Variants in SPDL1 observed in about 807,000 individuals in gnomAD.
The protein encoded by SPDL1 is protein Spindly.
In SPDL1, 85 loss-of-function variants were observed where a neutral mutation model predicts 79.5. The observed-to-expected ratio is 1.07, with a 90% CI of 0.90 to 1.28. The LOEUF is 1.28. SPDL1 is among the 50% of genes most tolerant of loss of function. SPDL1 has a pLI of 0.00. For synonymous variants in SPDL1, 269 were observed against 240.3 expected (o/e 1.12, Z -1.10); for missense variants, 703 against 697.8 (o/e 1.01, Z -0.08).
chr5:169,584,946 C>A lies in SPDL1; in HGVS notation c.-24+1057C>A, dbSNP rs1273400062. ...AATGGCGTGAACCCGGGAAGCGGAG[C>A]TTGCAGTGAGCCGAGATTGCGCCAC... is the stretch of plus-strand genomic sequence containing the variant. On this transcript the variant is annotated intron_variant, in intron 1 of 11. Transcript: ENST00000265295. 2.0e-5 allele frequency among the ~76,000 whole-genome samples: 3 copies of A among 151,162 alleles called. No homozygotes were observed. In the East Asian group the frequency reaches 5.8e-4, roughly 29 times the overall value.
intron 4 of SPDL1, 77 bp downstream of exon 4, chr5:169,593,625 T>A: frequency 7.2e-7 from 1 of 1,386,118 alleles, no homozygotes; most frequent in East Asian, 2.4e-5. Flanking sequence ...TGGTAATAAT[T>A]CTTAAGAGCT....
At chr5:169,592,681 T>C (rs1456867640) in intron 3 of SPDL1, among the ~76,000 whole-genome samples, 1 of 152,152 alleles carries the variant, frequency 6.6e-6, no homozygotes, top group Admixed American at 6.5e-5. Flanking sequence ...TAATGACTGA[T>C]AATGATGTGC....
Position 169,593,409 on chromosome 5 carries a change from A to C in SPDL1, c.392A>C (p.Lys131Thr). 6.2e-7 allele frequency: 1 copy of C among 1,613,796 alleles called. No individual in the cohort carries two copies. Among genetic ancestry groups the C allele is most frequent in the South Asian group, 1.1e-5 (1 of 90,960 alleles). Residue 131 changes from lysine (K) to threonine (T), a missense_variant, in exon 4 of 12, where the codon AAG becomes ACG. Lys to Thr is a moderately conservative substitution (Grantham distance 78). Coordinates refer to ENST00000265295, the MANE Select transcript of SPDL1 (RefSeq NM_017785.5). ...DEARLSEKQL[K>T]HQVDHQKELL... Reference sequence around the variant, plus strand: ...GCCAGGCTTAGTGAAAAGCAGCTGAAGCACCAAGTAGATCATCAGAAGGAA... The same window carrying C: ...GCCAGGCTTAGTGAAAAGCAGCTGACGCACCAAGTAGATCATCAGAAGGAA...
At chr5:169,588,920 A>G (rs1755128127) in intron 2 of SPDL1, 1 of 158,746 alleles carries the variant, frequency 6.3e-6, no homozygotes, top group South Asian at 2.0e-4. Flanking sequence ...TTCCCCCATG[A>G]AATCTAGGTT....
At chr5:169,587,220 T>C (rs1755033027) in intron 1 of SPDL1, 1 of 152,224 alleles carries the variant, frequency 6.6e-6, no homozygotes, top group Non-Finnish European at 1.5e-5. Flanking sequence ...AGGAGCTTTT[T>C]TTTCGTCCAT....
At chr5:169,587,423 TAGTA>T (rs1209926644) in intron 1 of SPDL1, 1 of 152,204 alleles carries the variant, frequency 6.6e-6, no homozygotes, top group African/African-American at 2.4e-5. Flanking sequence ...AAAGGATAAT[TAGTA>T]AGGTTGATTA....
Position 169,583,837 on chromosome 5 carries a change from C to T in SPDL1, c.-76C>T, listed in dbSNP as rs577764088. 6.6e-6 allele frequency: 1 copy of T among 152,464 alleles called. No individual in the cohort carries two copies. The highest frequency in any genetic ancestry group is 1.9e-4 in the East Asian group (1 of 5,194). 9.4% of individuals were successfully genotyped at this position (152,464 alleles called of 1,614,324 possible). The stretch of plus-strand genomic sequence containing the variant: ...AGTTAGCGTCCTCAATGTGGACGCC[C>T]TGAGCTCCCATTAGGAGCCGCTGGC... On this transcript the variant is annotated 5_prime_UTR_variant, in exon 1 of 12. Transcript: ENST00000265295.
Position 169,594,417 on chromosome 5 carries a change from T to C in SPDL1, c.705T>C (p.Asp235=). Residue 235 remains aspartate, a synonymous_variant, in exon 6 of 12, where the codon GAT becomes GAC. Coordinates refer to ENST00000265295, the MANE Select transcript of SPDL1 (RefSeq NM_017785.5). ...ALEKARVANQ[D]LQVQLDQALQ... is the part of the protein sequence containing the mutation. ...AGAAAGCTCGTGTAGCAAATCAAGA[T>C]CTTCAGGTACAGTTGGACCAGGCAC... The C allele has an allele frequency of 6.2e-7, 1 of 1,614,118 alleles. No individual in the cohort carries two copies.
In SPDL1 at chr5:169,588,444, C is replaced by G; in HGVS notation, c.28C>G (p.Arg10Gly). 3 of 1,611,418 alleles carry G rather than the reference C, an allele frequency of 1.9e-6. No homozygotes were observed. Among genetic ancestry groups the G allele is most frequent in the Non-Finnish European group, 2.5e-6 (3 of 1,179,090 alleles). Reference protein sequence around the residue: MEADIITNLRCRLKEAEEER... With the variant: MEADIITNLGCRLKEAEEER... ...GGAGGCAGATATAATCACAAATCTT[C>G]GATGCAGGCTCAAAGAGGCTGAAGA... Residue 10 changes from arginine to glycine, a missense_variant, in exon 2 of 12, where the codon CGA becomes GGA. Coordinates refer to ENST00000265295, the MANE Select transcript of SPDL1 (RefSeq NM_017785.5).
rs1238721473 is a variant in SPDL1 at position 169,596,787 on chromosome 5, A to C, written c.1032+86A>C. On this transcript the variant is annotated intron_variant, in intron 8 of 11. Transcript: ENST00000265295. Reference sequence around the variant, plus strand: ...GTTTGTTTTTTAAGTTTAAATTATTAATAAATATCTTGTGGGAGATACTTT... The same window carrying C: ...GTTTGTTTTTTAAGTTTAAATTATTCATAAATATCTTGTGGGAGATACTTT... 4 of 1,132,378 alleles carry C rather than the reference A, an allele frequency of 3.5e-6. No homozygotes were observed. In the East Asian group the frequency reaches 1.1e-4, roughly 32 times the overall value. 70.1% of individuals were successfully genotyped at this position (1,132,378 alleles called of 1,614,324 possible). A position where few individuals can be genotyped will look rare whatever the true frequency, so the allele number is the denominator to read the frequency against.
chr5:169,598,577 A>T lies in SPDL1; in HGVS notation c.1134A>T (p.Leu378Phe), dbSNP rs1755719627. 1 of 1,602,422 alleles carries T rather than the reference A, an allele frequency of 6.2e-7. No homozygotes were observed. Among genetic ancestry groups the T allele is most frequent in the Non-Finnish European group, 8.5e-7 (1 of 1,169,614 alleles). ...TACTTCAGATGAAGCTGGATAACTT[A>T]AAGTAAGTGTCTGGGTTGGTGGATG... ...TDLLQMKLDN[L>F]NKEIESTKGE... is the part of the protein sequence containing the mutation. The change falls in exon 9 of 12, where the codon TTA becomes TTT. Residue 378 changes from leucine to phenylalanine, a missense_variant and splice_region_variant. Physicochemically the swap from Leu to Phe is conservative, Grantham distance 22. Transcript: ENST00000265295.
chr5:169,602,218 G>T (rs1212451099), intron 11 of SPDL1, among the ~76,000 whole-genome samples: 1 of 152,236 alleles, frequency 6.6e-6, no homozygotes, highest in East Asian at 1.9e-4. Context: ...GTGTCTGAAG[G>T]AATTAATGTC....
At chr5:169,599,397 G>A (rs984147708) in intron 10 of SPDL1, among the ~76,000 whole-genome samples, 11 of 152,148 alleles carry the variant, frequency 7.2e-5, no homozygotes, top group African/African-American at 2.7e-4. Flanking sequence ...TCATCATACT[G>A]TATAGTAGAA....
intron 10 of SPDL1, 137 bp from the exon 11 acceptor site, chr5:169,601,143 G>T: frequency 1.5e-6 from 1 of 664,274 alleles, no homozygotes; most frequent in Non-Finnish European, 2.5e-6. Context: ...AGAAACAAAG[G>T]ATGCATTTCA....
Position 169,594,277 on chromosome 5 carries a change from T to C in SPDL1, c.664T>C (p.Tyr222His). ...KEEREKEAVS[Y>H]YNALEKARVA... The stretch of plus-strand genomic sequence containing the variant: ...GGAGCGAGAGAAAGAAGCAGTTTCT[T>C]ACTATAATGCCCTAGAGGTACTATG... The change falls in exon 5 of 12, where the codon TAC becomes CAC. Residue 222 changes from tyrosine to histidine, a missense_variant. Coordinates refer to ENST00000265295, the MANE Select transcript of SPDL1 (RefSeq NM_017785.5). 6.2e-7 allele frequency: 1 copy of C among 1,613,982 alleles called. No homozygotes were observed. The highest frequency in any genetic ancestry group is 8.5e-7 in the Non-Finnish European group (1 of 1,179,906).
chr5:169,604,036 G>C (rs1214415431), intron 11 of SPDL1, 24 bp from the exon 12 acceptor site: 1 of 1,593,250 alleles, frequency 6.3e-7, no homozygotes, highest in African/African-American at 1.4e-5. Flanking sequence ...TTTGAATTCA[G>C]AGTGGATGCT....
chr5:169,602,926 G>A (rs1302720630), intron 11 of SPDL1, among the ~76,000 whole-genome samples: 1 of 152,096 alleles, frequency 6.6e-6, no homozygotes, highest in Admixed American at 6.5e-5. Context: ...TTCTGGAGGT[G>A]GATTTCCAGA....
chr5:169,596,909 C>T (rs1755615145), intron 8 of SPDL1, among the ~76,000 whole-genome samples: 1 of 152,000 alleles, frequency 6.6e-6, no homozygotes. Context: ...ATGGGTAATT[C>T]CATCACTTCT....
At chr5:169,600,506 C>G (rs1161523312) in intron 10 of SPDL1, among the ~76,000 whole-genome samples, 1 of 152,170 alleles carries the variant, frequency 6.6e-6, no homozygotes, top group East Asian at 1.9e-4. Flanking sequence ...ACAGCAACCC[C>G]TTGTGCTACC....
Sources: gnomAD v4.1 joint callset for allele counts (sites outside exome capture counted in the v4.1 genomes callset) on GRCh38, gnomAD v4.1.1 for gene constraint, MANE v1.5 for transcripts, NCBI Gene and HGNC (gene_info 2026-07-23, HGNC 2026-07-21) for gene names.